Variants in PDE3B observed in about 807,000 individuals in gnomAD.
PDE3B encodes cGMP-inhibited 3',5'-cyclic phosphodiesterase 3B.
In PDE3B, 66 loss-of-function variants were observed where a neutral mutation model predicts 116.8. That is an observed-to-expected ratio of 0.56 (90% CI 0.46 to 0.69). The LOEUF (loss-of-function observed/expected upper bound fraction) is 0.69, where lower values mean the gene tolerates loss of function less well. Among genes scored for constraint, PDE3B ranks in the 30% least tolerant of loss-of-function variants. PDE3B has a pLI of 0.00. For synonymous variants in PDE3B, 595 were observed against 533.6 expected (o/e 1.12, Z -1.59); for missense variants, 1,384 against 1,368.1 (o/e 1.01, Z -0.18).
chr11:14,660,073 A>G (rs1010105341), intron 1 of PDE3B, among the ~76,000 whole-genome samples: 4 of 152,170 alleles, frequency 2.6e-5, no homozygotes, highest in Admixed American at 1.3e-4. Flanking sequence ...TGTTAGCTTT[A>G]TAGTCAGCAT....
chr11:14,760,754 A>G (rs545908994), intron 1 of PDE3B, among the ~76,000 whole-genome samples: 2 of 152,300 alleles, frequency 1.3e-5, no homozygotes, highest in South Asian at 2.1e-4. Flanking sequence ...CACTGTTCTC[A>G]GTGTGTATAC....
chr11:14,776,399 T>A (rs3206554), intron 2 of PDE3B: 53,982 of 152,092 alleles, frequency 0.35, 10,950 homozygotes, highest in South Asian at 0.46. Flanking sequence ...GTGATCTTTG[T>A]TCCTGTCACC....
At chr11:14,700,594 G>T (rs1336113396) in intron 1 of PDE3B, 1 of 151,690 alleles carries the variant, frequency 6.6e-6, no homozygotes, top group Middle Eastern at 3.2e-3. Flanking sequence ...ATTAAAAAAA[G>T]GTTACTTAAA....
At chr11:14,880,487 T>C in the PDE3B span, 1 of 1,613,518 alleles carries the variant, frequency 6.2e-7, no homozygotes, top group African/African-American at 1.3e-5. Flanking sequence ...AGTTCCACAT[T>C]TTCACTAAAT....
the PDE3B span, chr11:14,880,103 G>T: frequency 6.2e-7 from 1 of 1,610,214 alleles, no homozygotes; most frequent in East Asian, 2.2e-5. Context: ...TACATGTAAG[G>T]ATAGACCCTG....
intron 12 of PDE3B, among the ~76,000 whole-genome samples, chr11:14,852,357 C>T (rs1847770194): frequency 6.6e-6 from 1 of 152,154 alleles, no homozygotes; most frequent in Admixed American, 6.5e-5. Flanking sequence ...TGCCGGCCTA[C>T]TCTATGTTTT....
intron 1 of PDE3B, among the ~76,000 whole-genome samples, chr11:14,673,286 G>A (rs925377955): frequency 3.3e-5 from 5 of 151,868 alleles, no homozygotes; most frequent in Admixed American, 2.6e-4. Context: ...AAAGTGCGTA[G>A]TGTCAAAGGA....
intron 1 of PDE3B, among the ~76,000 whole-genome samples, chr11:14,734,115 A>C (rs1856534340): frequency 6.6e-6 from 1 of 152,224 alleles, no homozygotes; most frequent in Admixed American, 6.5e-5. Flanking sequence ...TCTGCTGCCC[A>C]GGCTGGAGTG....
At chr11:14,735,065 TATACTA>T (rs1028818443) in intron 1 of PDE3B, among the ~76,000 whole-genome samples, 3 of 152,214 alleles carry the variant, frequency 2.0e-5, no homozygotes, top group Non-Finnish European at 2.9e-5. Flanking sequence ...GTTGGACAGT[TATACTA>T]ATATGCAGAG....
intron 1 of PDE3B, among the ~76,000 whole-genome samples, chr11:14,739,053 T>A (rs921310187): frequency 1.3e-5 from 2 of 152,214 alleles, no homozygotes; most frequent in African/African-American, 2.4e-5. Flanking sequence ...CCAGCTTTGT[T>A]CTTTTTGCTT....
chr11:14,746,400 A>T (rs1023378103), intron 1 of PDE3B, among the ~76,000 whole-genome samples: 16 of 152,108 alleles, frequency 1.1e-4, no homozygotes, highest in African/African-American at 3.6e-4. Flanking sequence ...AAAATAAAAT[A>T]AAAAATAATA....
chr11:14,678,712 C>T (rs1336608105), intron 1 of PDE3B, among the ~76,000 whole-genome samples: 1 of 152,030 alleles, frequency 6.6e-6, no homozygotes, highest in Admixed American at 6.6e-5. Context: ...TAGCTTGTTT[C>T]TTCATTCTAT....
rs185666439 is a variant in PDE3B at position 14,703,474 on chromosome 11, T to G, written c.978+58421T>G. Among the ~76,000 whole-genome samples, 144 of 151,702 alleles carry G rather than the reference T, an allele frequency of 9.5e-4. 1 individual carries two copies. Among genetic ancestry groups the G allele is most frequent in the Admixed American group, 1.9e-3 (29 of 15,162 alleles). The stretch of plus-strand genomic sequence containing the variant: ...TAAATTTTAGGAGACTTGTCACCAC[T>G]CAGTGATATCAAGGCTGCTGGGGTT... On this transcript the variant is annotated intron_variant, in intron 1 of 15. Transcript: ENST00000282096.
chr11:14,652,927 G>T (rs933402744), intron 1 of PDE3B, among the ~76,000 whole-genome samples: 2 of 152,000 alleles, frequency 1.3e-5, no homozygotes, highest in African/African-American at 4.8e-5. Flanking sequence ...GATATCTTTT[G>T]ATTTATTTGT....
intron 12 of PDE3B, among the ~76,000 whole-genome samples, chr11:14,850,005 T>G (rs1034004799): frequency 6.6e-6 from 1 of 152,148 alleles, no homozygotes; most frequent in Admixed American, 6.5e-5. Context: ...CCCAAAGGAC[T>G]ATAAATCATG....
chr11:14,822,758 C>G (rs1190697264), intron 7 of PDE3B, among the ~76,000 whole-genome samples: 1 of 152,154 alleles, frequency 6.6e-6, no homozygotes, highest in Non-Finnish European at 1.5e-5. Flanking sequence ...GGTTAGACCC[C>G]CATACAGACC....
At chr11:14,755,911 A>G (rs2133880817) in intron 1 of PDE3B, among the ~76,000 whole-genome samples, 1 of 152,316 alleles carries the variant, frequency 6.6e-6, no homozygotes, top group East Asian at 1.9e-4. Context: ...ATACCTATCA[A>G]ACACAGAGAA....
chr11:14,832,624 T>A (rs1402593397), intron 9 of PDE3B, 98 bp from the exon 10 acceptor site: 6 of 521,768 alleles, frequency 1.1e-5, no homozygotes, highest in Non-Finnish European at 1.4e-5. Flanking sequence ...TATTAATACA[T>A]GGTTAACATT....
chr11:14,886,225 A>G, the PDE3B span: 2 of 329,498 alleles, frequency 6.1e-6, no homozygotes, highest in South Asian at 7.8e-5. Flanking sequence ...AAAGACTCTG[A>G]GCAGAACACT....
Sources: allele counts gnomAD v4.1 joint callset (sites outside exome capture counted in the v4.1 genomes callset), GRCh38; gene constraint gnomAD v4.1.1; transcripts MANE v1.5; gene names NCBI Gene and HGNC (gene_info 2026-07-23, HGNC 2026-07-21).